Variants in CALCOCO2 observed in about 807,000 individuals in gnomAD.
The protein encoded by CALCOCO2 is calcium binding and coiled-coil domain 2.
A neutral mutation model predicts 62.5 loss-of-function variants in CALCOCO2; 42 were observed. The ratio of observed to expected loss-of-function variants is 0.67; its 90% CI spans 0.53 to 0.87. CALCOCO2 has a LOEUF of 0.87. CALCOCO2 is among the 40% of genes least tolerant of loss of function. The pLI, the probability that CALCOCO2 is intolerant of heterozygous loss-of-function variation, is 0.00. For synonymous variants in CALCOCO2, 167 were observed against 173.0 expected (o/e 0.97, Z 0.27); for missense variants, 456 against 515.0 (o/e 0.89, Z 1.11).
chr17:48,844,808 G>A (rs942841885), intron 2 of CALCOCO2, among the ~76,000 whole-genome samples: 7 of 151,774 alleles, frequency 4.6e-5, no homozygotes, highest in Non-Finnish European at 7.4e-5. Flanking sequence ...GTGAGCTACC[G>A]CGCCCGGCCA....
At chr17:48,849,470 C>G in intron 5 of CALCOCO2, 93 bp downstream of exon 5, 2 of 1,076,968 alleles carry the variant, frequency 1.9e-6, no homozygotes, top group East Asian at 4.8e-5. Context: ...TGCCTGTGAT[C>G]TCACCTTCTT....
intron 11 of CALCOCO2, 62 bp downstream of exon 11, chr17:48,860,511 T>C (rs545692080): frequency 3.9e-6 from 6 of 1,543,984 alleles, no homozygotes; most frequent in African/African-American, 1.4e-5. Context: ...CCCTACTAAA[T>C]TTTTGTTTCT....
chr17:48,856,325 A>G, intron 10 of CALCOCO2, 138 bp downstream of exon 10: 1 of 571,358 alleles, frequency 1.8e-6, no homozygotes, highest in Non-Finnish European at 3.1e-6. Flanking sequence ...CTAAACGAAG[A>G]GTAAATTTAA....
intron 1 of CALCOCO2, among the ~76,000 whole-genome samples, chr17:48,839,067 T>C (rs1375185195): frequency 6.6e-6 from 1 of 151,838 alleles, no homozygotes; most frequent in East Asian, 1.9e-4. Context: ...TGGCGCAATC[T>C]GGCAATCTTG....
chr17:48,856,739 T>C (rs1163188750), intron 10 of CALCOCO2: 1 of 408,010 alleles, frequency 2.5e-6, no homozygotes, highest in East Asian at 7.6e-5. Context: ...ATAAAGTGGT[T>C]GTACTTGAAG....
intron 9 of CALCOCO2, among the ~76,000 whole-genome samples, chr17:48,854,837 C>T (rs2040189812): frequency 6.6e-6 from 1 of 152,088 alleles, no homozygotes. Context: ...CTTCAGGAGC[C>T]TAGGAACAAG....
intron 1 of CALCOCO2, among the ~76,000 whole-genome samples, chr17:48,836,225 GT>G (rs142705102): frequency 0.012 from 1,777 of 152,266 alleles, 35 homozygotes; most frequent in African/African-American, 0.04. Flanking sequence ...AATCAAATCT[GT>G]TCCTTTTGGT....
intron 5 of CALCOCO2, 172 bp from the exon 6 acceptor site, chr17:48,850,917 T>TA (rs35936083): frequency 0.012 from 4,400 of 358,202 alleles, no homozygotes; most frequent in Middle Eastern, 0.018. Context: ...GACACTGTCT[T>TA]AAAAAAAAAA....
rs190552029 is a variant in CALCOCO2, at chr17:48,847,074, C to T, written c.181-990C>T. Among the ~76,000 whole-genome samples, 83 of 152,186 alleles carry T rather than the reference C, an allele frequency of 5.5e-4. 1 individual carries two copies. The East Asian group carries it at 0.015, about 28-fold the overall frequency. On this transcript the variant is annotated intron_variant, in intron 2 of 12. Transcript: ENST00000258947. ...ATTCAATACCTAGAAGAGGCCTTTA[C>T]GACTACCAGATTGTTGTTAATATCT... is the stretch of plus-strand genomic sequence containing the variant.
intron 10 of CALCOCO2, among the ~76,000 whole-genome samples, chr17:48,857,626 A>G (rs1399866533): frequency 6.8e-6 from 1 of 147,124 alleles, no homozygotes; most frequent in Admixed American, 7.0e-5. Flanking sequence ...CTTCTGGCCT[A>G]TGCCTCCTAG....
In CALCOCO2 at chr17:48,860,407, GC is replaced by G. The variant is rs777730057; in HGVS notation, c.1103del (p.Ala368GlufsTer94). The G allele has an allele frequency of 6.2e-7, 1 of 1,613,792 alleles. No homozygotes were observed. The highest frequency in any genetic ancestry group is 1.3e-5 in the African/African-American group (1 of 74,912). Reference sequence around the variant, plus strand: ...AGTACCTACTTCAGATGAAGGAGGCGCAAGACAAAATCCAGGACTTGCCTAT... The same window carrying G: ...AGTACCTACTTCAGATGAAGGAGGCGAAGACAAAATCCAGGACTTGCCTAT... ...YQVPTSDEGG[A>X]RQNPGLAYGN... On this transcript the variant is annotated frameshift_variant, in exon 11 of 13. Coordinates refer to ENST00000258947, the MANE Select transcript of CALCOCO2 (RefSeq NM_005831.5). LOFTEE classifies it high-confidence loss of function.
At chr17:48,832,819 A>G (rs1328622949) in intron 1 of CALCOCO2, among the ~76,000 whole-genome samples, 1 of 152,226 alleles carries the variant, frequency 6.6e-6, no homozygotes, top group Non-Finnish European at 1.5e-5. Context: ...CAGAGTTTCC[A>G]GTTGCCCGCA....
In CALCOCO2 at chr17:48,862,251, A is replaced by G. The variant is rs201221954; in HGVS notation, c.1145-25A>G. 15 of 1,511,712 alleles carry G rather than the reference A, an allele frequency of 9.9e-6. No individual in the cohort carries two copies. The Middle Eastern group carries it at 5.1e-4, about 51-fold the overall frequency. The allele number at this position is 1,511,712 out of a possible 1,614,324, so 93.6% of individuals were successfully genotyped here. On this transcript the variant is annotated intron_variant, in intron 11 of 12. Coordinates refer to ENST00000258947, the MANE Select transcript of CALCOCO2 (RefSeq NM_005831.5). ...GCTAGGGATGGTATTTTCTCATTGAATGAGATCTTTTTTATTCTTTTCAGG... is the reference window on the plus strand; with the variant it reads ...GCTAGGGATGGTATTTTCTCATTGAGTGAGATCTTTTTTATTCTTTTCAGG...
intron 4 of CALCOCO2, chr17:48,848,757 G>A: frequency 1.9e-6 from 1 of 537,906 alleles, no homozygotes; most frequent in Non-Finnish European, 3.5e-6. Context: ...AAATGTAAAA[G>A]CTCCTTTGAG....
chr17:48,859,992 G>T (rs917214495), intron 10 of CALCOCO2, among the ~76,000 whole-genome samples: 4 of 152,196 alleles, frequency 2.6e-5, no homozygotes, highest in African/African-American at 9.7e-5. Context: ...TACTTGGGAG[G>T]CTGAGGCACA....
At chr17:48,847,857 G>A (rs1222439739) in intron 2 of CALCOCO2, 1 of 441,934 alleles carries the variant, frequency 2.3e-6, no homozygotes, top group African/African-American at 2.1e-5. Flanking sequence ...TTTTCACCAT[G>A]TTGCCCAGGC....
chr17:48,832,377 G>A (rs1440335734), intron 1 of CALCOCO2, among the ~76,000 whole-genome samples: 2 of 152,216 alleles, frequency 1.3e-5, no homozygotes, highest in Admixed American at 6.6e-5. Flanking sequence ...CTGGGCAACA[G>A]AGTGAGACTC....
intron 9 of CALCOCO2, among the ~76,000 whole-genome samples, chr17:48,853,519 C>T (rs566255095): frequency 8.5e-5 from 13 of 152,264 alleles, no homozygotes; most frequent in African/African-American, 3.1e-4. Flanking sequence ...CTGGAAGCCC[C>T]GTTTACTTAG....
At chr17:48,853,152 G>A in intron 9 of CALCOCO2, 140 bp downstream of exon 9, 2 of 614,658 alleles carry the variant, frequency 3.3e-6, no homozygotes, top group African/African-American at 1.8e-5. Flanking sequence ...TAGCCAAAAG[G>A]ACAGAGAATC....
Sources: gnomAD v4.1 joint callset for allele counts (sites outside exome capture counted in the v4.1 genomes callset) on GRCh38, gnomAD v4.1.1 for gene constraint, MANE v1.5 for transcripts, NCBI Gene and HGNC (gene_info 2026-07-23, HGNC 2026-07-21) for gene names.